Variants in SCARB1 observed in about 807,000 individuals in gnomAD.
The protein encoded by SCARB1 is scavenger receptor class B member 1.
A neutral mutation model predicts 57.2 loss-of-function variants in SCARB1; 30 were observed. That is an observed-to-expected ratio of 0.52 (90% confidence interval 0.39 to 0.71). The LOEUF (loss-of-function observed/expected upper bound fraction) is 0.71, where lower values mean the gene tolerates loss of function less well. Among genes scored for constraint, SCARB1 ranks in the 30% least tolerant of loss-of-function variants. The probability of loss-of-function intolerance (pLI) is 0.00; values close to 1 mark genes in which losing one functional copy is unlikely to be tolerated. For missense variants in SCARB1, 543 were observed against 671.2 expected (o/e 0.81, Z 2.11); for synonymous variants, 249 against 268.3 (o/e 0.93, Z 0.70).
Position 124,785,122 on chromosome 12 carries a change from T to C in SCARB1, c.1401+1235A>G, listed in dbSNP as rs73227559. The C allele has an allele frequency of 8.5e-3, 1,293 of 152,468 alleles. 7 individuals carry two copies. Among genetic ancestry groups the C allele is most frequent in the Non-Finnish European group, 0.014 (924 of 68,130 alleles). The allele number at this position is 152,468 out of a possible 1,614,324, so 9.4% of individuals were successfully genotyped here. A position where few individuals can be genotyped will look rare whatever the true frequency, so the allele number is the denominator to read the frequency against. On this transcript the variant is annotated intron_variant, in intron 11 of 12. Transcript: ENST00000261693. ...CCTCCTGATAGCAGCTGCCCCATCC[T>C]GTTCAAGCCATCGACTTCCTCACGC...
At chr12:124,795,961 T>C (rs7135117) in intron 8 of SCARB1, among the ~76,000 whole-genome samples, 21,079 of 152,202 alleles carry the variant, frequency 0.14, 2,687 homozygotes, top group East Asian at 0.42. Context: ...AAAAGCTTCC[T>C]TTGTGCAGAA....
At position 124,810,115 on chromosome 12, in the gene SCARB1, A is replaced by T; in HGVS notation, c.842+59T>A. 9.3e-7 allele frequency: 1 copy of T among 1,078,906 alleles called. No homozygotes were observed. The highest frequency in any genetic ancestry group is 1.4e-6 in the Non-Finnish European group (1 of 698,126). The allele number at this position is 1,078,906 out of a possible 1,614,324, so 66.8% of individuals were successfully genotyped here. On this transcript the variant is annotated intron_variant, in intron 6 of 12. Coordinates refer to ENST00000261693, the MANE Select transcript of SCARB1 (RefSeq NM_005505.5). The surrounding 1 kb of genome is among the most constrained non-coding windows in gnomAD (Gnocchi z 4.0). Reference sequence around the variant, plus strand: ...GCTTTCCAAGTGCACAGCCAACACCACAGAATTTGGCCATGAGCTACCCAG... The same window carrying T: ...GCTTTCCAAGTGCACAGCCAACACCTCAGAATTTGGCCATGAGCTACCCAG...
Position 124,796,959 on chromosome 12 carries a change from C to T in SCARB1, c.1129-1691G>A, listed in dbSNP as rs543450578. On this transcript the variant is annotated intron_variant, in intron 8 of 12. Transcript: ENST00000261693. This position sits in a 1 kb window ranked among gnomAD's most constrained non-coding sequence, Gnocchi z 4.0. ...AACTGATGAGAGTAGTTCACTGGGCCGAAATTATTTGTACAAACAATATGG... is the reference window on the plus strand; with the variant it reads ...AACTGATGAGAGTAGTTCACTGGGCTGAAATTATTTGTACAAACAATATGG... 2.0e-5 allele frequency among the ~76,000 whole-genome samples: 3 copies of T among 152,120 alleles called. No homozygotes were observed. Among genetic ancestry groups the T allele is most frequent in the Admixed American group, 6.5e-5 (1 of 15,270 alleles).
At chr12:124,831,818 C>T (rs1012750083) in intron 1 of SCARB1, among the ~76,000 whole-genome samples, 6 of 152,322 alleles carry the variant, frequency 3.9e-5, no homozygotes, top group East Asian at 1.9e-4. Context: ...TTCGTCACTG[C>T]GATCTTCCTT....
At position 124,778,229 on chromosome 12, in the gene SCARB1, G is replaced by A; in HGVS notation, c.*358C>T. 2.6e-6 allele frequency: 1 copy of A among 389,548 alleles called. No homozygotes were observed. Among genetic ancestry groups the A allele is most frequent in the Non-Finnish European group, 4.5e-6 (1 of 222,448 alleles). The allele number at this position is 389,548 out of a possible 1,614,324, so 24.1% of individuals were successfully genotyped here. Reference sequence around the variant, plus strand: ...GGGAGGAAGCCTGGGCCCAACGGCTGAACGGGACAGGCCAGGCTCACCCGA... The same window carrying A: ...GGGAGGAAGCCTGGGCCCAACGGCTAAACGGGACAGGCCAGGCTCACCCGA... On this transcript the variant is annotated 3_prime_UTR_variant, in exon 13 of 13. Coordinates refer to ENST00000261693, the MANE Select transcript of SCARB1 (RefSeq NM_005505.5).
At chr12:124,778,612 A>T in intron 12 of SCARB1, 26 bp from the exon 13 acceptor site, 1 of 1,413,546 alleles carries the variant, frequency 7.1e-7, no homozygotes, top group Non-Finnish European at 9.2e-7. Flanking sequence ...AAGCTGGGTG[A>T]CCACCCACGC....
intron 1 of SCARB1, among the ~76,000 whole-genome samples, chr12:124,856,750 T>A (rs1174387422): frequency 2.0e-5 from 3 of 152,104 alleles, no homozygotes; most frequent in Non-Finnish European, 4.4e-5. Flanking sequence ...CCCCCCCAGG[T>A]TCCGCAGGGG....
chr12:124,850,013 G>A lies in SCARB1; in HGVS notation c.126+13582C>T, dbSNP rs866589818. The stretch of plus-strand genomic sequence containing the variant: ...TGAGTGGTTGAAGCTGCAGTGAGCC[G>A]TAATCATGCCACTGCACTCCAGCTT... On this transcript the variant is annotated intron_variant, in intron 1 of 12. Transcript: ENST00000261693. Among the ~76,000 whole-genome samples the A allele has an allele frequency of 5.6e-5, 7 of 125,992 alleles. 1 individual carries two copies. The highest frequency in any genetic ancestry group is 1.1e-4 in the Non-Finnish European group (6 of 56,636). The allele number at this position is 125,992 out of a possible 152,430, so 82.7% of individuals were successfully genotyped here.
intron 11 of SCARB1, 135 bp downstream of exon 11, chr12:124,786,222 C>T: frequency 6.3e-7 from 1 of 1,598,256 alleles, no homozygotes; most frequent in Non-Finnish European, 8.5e-7. Flanking sequence ...CGCTCCCACT[C>T]CGGCAGAGAC....
chr12:124,861,715 A>T (rs1293132925), intron 1 of SCARB1, among the ~76,000 whole-genome samples: 1 of 152,162 alleles, frequency 6.6e-6, no homozygotes, highest in African/African-American at 2.4e-5. Flanking sequence ...CTCGGCCCCA[A>T]ACCAATCGCC....
chr12:124,804,201 C>T lies in SCARB1; in HGVS notation c.1009+3560G>A, dbSNP rs547040543. On this transcript the variant is annotated intron_variant, in intron 7 of 12. Transcript: ENST00000261693. Reference sequence around the variant, plus strand: ...ATTGGTTTACAGCTGGGCATGGGAGCCAGGCAGACCAATTAGAGCAAACCC... The same window carrying T: ...ATTGGTTTACAGCTGGGCATGGGAGTCAGGCAGACCAATTAGAGCAAACCC... Among the ~76,000 whole-genome samples the T allele has an allele frequency of 4.6e-5, 7 of 152,332 alleles. No individual in the cohort carries two copies. In the South Asian group the frequency reaches 1.4e-3, roughly 32 times the overall value.
Position 124,810,382 on chromosome 12 carries a change from A to G in SCARB1, c.727-93T>C. 1.2e-6 allele frequency: 1 copy of G among 836,654 alleles called. No homozygotes were observed. The highest frequency in any genetic ancestry group is 2.1e-6 in the Non-Finnish European group (1 of 486,718). The allele number at this position is 836,654 out of a possible 1,614,324, so 51.8% of individuals were successfully genotyped here. On this transcript the variant is annotated intron_variant, in intron 5 of 12. Transcript: ENST00000261693. The surrounding 1 kb of genome is among the most constrained non-coding windows in gnomAD (Gnocchi z 4.0). ...CTGCACACCTAACTCACCCTGGTGC[A>G]CGCACGGCCACTCAATTCCCAATAC...
chr12:124,828,068 G>A (rs1166226238), intron 1 of SCARB1, among the ~76,000 whole-genome samples: 4 of 152,038 alleles, frequency 2.6e-5, no homozygotes, highest in Non-Finnish European at 4.4e-5. Flanking sequence ...AATGTCTAGC[G>A]GGTGGTAACG....
chr12:124,781,103 C>G (rs2135519857), intron 12 of SCARB1, among the ~76,000 whole-genome samples: 1 of 152,332 alleles, frequency 6.6e-6, no homozygotes, highest in East Asian at 1.9e-4. Context: ...CCAACATGGT[C>G]AGACTCCACC....
Position 124,807,805 on chromosome 12 carries a change from G to A in SCARB1, c.965C>T (p.Pro322Leu), listed in dbSNP as rs770411885. The A allele has an allele frequency of 9.3e-6, 15 of 1,614,126 alleles. No homozygotes were observed. The highest frequency in any genetic ancestry group is 1.7e-4 in the Middle Eastern group (1 of 6,060). The stretch of plus-strand genomic sequence containing the variant: ...GTTCTGAATTCCAGACTCCAGGCAC[G>A]GGCAGAAGCCTTCGTTGGGTGGGTA... ...SIYPPNEGFCPCLESGIQNVS... is the reference protein window; with the variant it reads ...SIYPPNEGFCLCLESGIQNVS... The change falls in exon 7 of 13, where the codon CCG becomes CTG. Residue 322 changes from proline (P) to leucine (L), a missense_variant. Transcript: ENST00000261693. The surrounding 1 kb of genome is among the most constrained non-coding windows in gnomAD (Gnocchi z 5.3).
chr12:124,789,024 C>T lies in SCARB1; in HGVS notation c.1203-1567G>A, dbSNP rs2135551213. On this transcript the variant is annotated intron_variant, in intron 9 of 12. Coordinates refer to ENST00000261693, the MANE Select transcript of SCARB1 (RefSeq NM_005505.5). This position sits in a 1 kb window ranked among gnomAD's most constrained non-coding sequence, Gnocchi z 4.4. ...GAGTCACAGGAAACCATATTCTTCC[C>T]CTCAGGAAGATATGTTCTTATTACC... Among the ~76,000 whole-genome samples, 1 of 152,260 alleles carries T rather than the reference C, an allele frequency of 6.6e-6. No homozygotes were observed. The highest frequency in any genetic ancestry group is 2.4e-5 in the African/African-American group (1 of 41,530).
Position 124,778,104 on chromosome 12 carries a change from T to C in SCARB1, c.*483A>G, listed in dbSNP as rs192627307. 1.2e-3 allele frequency: 250 copies of C among 207,262 alleles called. No homozygotes were observed. The highest frequency in any genetic ancestry group is 5.5e-3 in the African/African-American group (241 of 43,684). The allele number at this position is 207,262 out of a possible 1,614,324, so 12.8% of individuals were successfully genotyped here. ...AAGCTCGTGGCCAGGGCCTGGGCAC[T>C]GAGTCCCCACTGAATTTGGCACAGG... On this transcript the variant is annotated 3_prime_UTR_variant, in exon 13 of 13. Transcript: ENST00000261693.
chr12:124,778,679 C>T (rs1872775224), intron 12 of SCARB1, 93 bp from the exon 13 acceptor site: 4 of 1,236,662 alleles, frequency 3.2e-6, no homozygotes, highest in East Asian at 3.2e-5. Context: ...CCCACATCCC[C>T]AGCAGAGACT....
At position 124,814,869 on chromosome 12, in the gene SCARB1, C is replaced by A; in HGVS notation, c.426+104G>T. 2 of 1,480,820 alleles carry A rather than the reference C, an allele frequency of 1.4e-6. No individual in the cohort carries two copies. Among genetic ancestry groups the A allele is most frequent in the Non-Finnish European group, 1.9e-6 (2 of 1,075,766 alleles). 91.7% of individuals were successfully genotyped at this position (1,480,820 alleles called of 1,614,324 possible). A position where few individuals can be genotyped will look rare whatever the true frequency, so the allele number is the denominator to read the frequency against. ...CACCCACCAGGCGTGAGTCCCCACG[C>A]TCCGACCACCTCAGGGACTGCTCTC... On this transcript the variant is annotated intron_variant, in intron 3 of 12. Coordinates refer to ENST00000261693, the MANE Select transcript of SCARB1 (RefSeq NM_005505.5). The surrounding 1 kb of genome is among the most constrained non-coding windows in gnomAD (Gnocchi z 4.7).
Sources: gnomAD v4.1 joint callset for allele counts (sites outside exome capture counted in the v4.1 genomes callset) on GRCh38, gnomAD v4.1.1 for gene constraint, Gnocchi (gnomAD v3.1) non-coding constraint, MANE v1.5 for transcripts, NCBI Gene and HGNC (gene_info 2026-07-23, HGNC 2026-07-21) for gene names.